The following NELL1 variants were observed in gnomAD, a reference collection of about 807,000 sequenced individuals.
The protein encoded by NELL1 is protein kinase C-binding protein NELL1.
Under a neutral mutation model 107.4 loss-of-function variants are expected in NELL1, and 76 were observed. That is an observed-to-expected ratio of 0.71 (90% CI 0.59 to 0.86). The LOEUF is 0.86. Ranked by LOEUF, NELL1 falls within the 40% of genes least tolerant of loss-of-function variation. NELL1 has a pLI of 0.00. For missense variants in NELL1, 1,024 were observed against 1,005.5 expected (o/e 1.02, Z -0.25); for synonymous variants, 353 against 341.2 (o/e 1.03, Z -0.38).
chr11:21,298,656 C>T (rs563930386), intron 14 of NELL1, among the ~76,000 whole-genome samples: 3 of 152,058 alleles, frequency 2.0e-5, no homozygotes, highest in East Asian at 3.9e-4. Flanking sequence ...CCAGTTTCTG[C>T]CCAGGGTCTA....
intron 14 of NELL1, among the ~76,000 whole-genome samples, chr11:21,342,411 TG>T (rs57914880): frequency 4.3e-4 from 32 of 74,062 alleles, no homozygotes; most frequent in South Asian, 8.6e-4. Flanking sequence ...GAGGCTTAAG[TG>T]GGGGGGGGGG....
chr11:20,725,135 T>A (rs1173399964), intron 2 of NELL1, among the ~76,000 whole-genome samples: 1 of 152,228 alleles, frequency 6.6e-6, no homozygotes, highest in Non-Finnish European at 1.5e-5. Context: ...AGCCAAATTA[T>A]ATCTGTCTCC....
chr11:20,910,147 G>A (rs1259192542), intron 5 of NELL1, among the ~76,000 whole-genome samples: 1 of 152,164 alleles, frequency 6.6e-6, no homozygotes, highest in Non-Finnish European at 1.5e-5. Flanking sequence ...CCTGGCTGGG[G>A]CAATGTTGAC....
intron 12 of NELL1, among the ~76,000 whole-genome samples, chr11:20,999,151 G>A (rs1473091974): frequency 1.3e-5 from 2 of 152,160 alleles, no homozygotes; most frequent in Non-Finnish European, 2.9e-5. Context: ...TGGGGTTAAG[G>A]TTCCAAGCCT....
At chr11:21,072,674 T>A (rs1854043091) in intron 12 of NELL1, among the ~76,000 whole-genome samples, 1 of 152,116 alleles carries the variant, frequency 6.6e-6, no homozygotes, top group African/African-American at 2.4e-5. Context: ...GAAGCAAAAC[T>A]ACTGTTCATG....
At chr11:21,451,829 G>T (rs1017472704) in intron 15 of NELL1, among the ~76,000 whole-genome samples, 1 of 152,100 alleles carries the variant, frequency 6.6e-6, no homozygotes, top group African/African-American at 2.4e-5. Context: ...TGGTCATGGC[G>T]AGACAATGGT....
chr11:21,393,980 C>T (rs531393558), intron 15 of NELL1, among the ~76,000 whole-genome samples: 1 of 151,598 alleles, frequency 6.6e-6, no homozygotes, highest in African/African-American at 2.4e-5. Context: ...TCTACCAAGG[C>T]CTGGGGGCAG....
chr11:20,719,918 T>G (rs1855340353), intron 2 of NELL1, among the ~76,000 whole-genome samples: 1 of 152,238 alleles, frequency 6.6e-6, no homozygotes, highest in East Asian at 1.9e-4. Context: ...TCACTTTTCT[T>G]TATCTCGTCC....
In NELL1 at chr11:20,746,537, A is replaced by T. The variant is rs74545491; in HGVS notation, c.185-37143A>T. Among the ~76,000 whole-genome samples, 5 of 151,000 alleles carry T rather than the reference A, an allele frequency of 3.3e-5. No homozygotes were observed. The East Asian group carries it at 9.9e-4, about 30-fold the overall frequency. ...AGCCACTTAATAGATAGTGGTTATG[A>T]TTATTTAAAAGTGGAATTGTGACAG... On this transcript the variant is annotated intron_variant, in intron 2 of 19. Coordinates refer to ENST00000357134, the MANE Select transcript of NELL1 (RefSeq NM_006157.5).
intron 12 of NELL1, among the ~76,000 whole-genome samples, chr11:21,070,283 T>C (rs1410293691): frequency 6.6e-6 from 1 of 152,158 alleles, no homozygotes; most frequent in African/African-American, 2.4e-5. Flanking sequence ...TCTCATTTAA[T>C]AGAGGTAGAA....
intron 3 of NELL1, among the ~76,000 whole-genome samples, chr11:20,839,126 G>T (rs1164629723): frequency 6.6e-6 from 1 of 151,944 alleles, no homozygotes; most frequent in East Asian, 1.9e-4. Flanking sequence ...GAAGTTTCAT[G>T]TATTTTTCCT....
At chr11:20,990,087 T>C (rs1427120627) in intron 12 of NELL1, among the ~76,000 whole-genome samples, 1 of 152,176 alleles carries the variant, frequency 6.6e-6, no homozygotes, top group Non-Finnish European at 1.5e-5. Context: ...TTTAGCACTG[T>C]CCAAGCTTTG....
chr11:20,862,366 C>T (rs1374084626), intron 4 of NELL1, among the ~76,000 whole-genome samples: 4 of 152,030 alleles, frequency 2.6e-5, no homozygotes, highest in Admixed American at 6.5e-5. Flanking sequence ...CCATATACCC[C>T]GTCACTACAC....
At chr11:21,383,649 A>C (rs1851663812) in intron 15 of NELL1, among the ~76,000 whole-genome samples, 1 of 148,286 alleles carries the variant, frequency 6.7e-6, no homozygotes, top group Non-Finnish European at 1.5e-5. Context: ...ACTATTACAC[A>C]CCTACAGATT....
In NELL1 at chr11:21,109,306, G is replaced by T. The variant is rs536531667; in HGVS notation, c.1301-4283G>T. Among the ~76,000 whole-genome samples the T allele has an allele frequency of 2.6e-5, 4 of 152,216 alleles. No homozygotes were observed. The South Asian group carries it at 8.3e-4, about 32-fold the overall frequency. ...GTACTATTAGACTCTTAGAATATGGGTATCAGCCTGTGCCCAAAAATGTGC... is the reference window on the plus strand; with the variant it reads ...GTACTATTAGACTCTTAGAATATGGTTATCAGCCTGTGCCCAAAAATGTGC... On this transcript the variant is annotated intron_variant, in intron 12 of 19. Transcript: ENST00000357134.
At chr11:21,472,917 A>G (rs1391841942) in intron 15 of NELL1, among the ~76,000 whole-genome samples, 1 of 151,580 alleles carries the variant, frequency 6.6e-6, no homozygotes, top group Non-Finnish European at 1.5e-5. Flanking sequence ...GATGCCTACC[A>G]TAGGTAAAAC....
intron 2 of NELL1, among the ~76,000 whole-genome samples, chr11:20,683,376 G>A (rs1332020174): frequency 6.6e-6 from 1 of 151,916 alleles, no homozygotes; most frequent in Non-Finnish European, 1.5e-5. Context: ...TAAATTATGT[G>A]TTGCTGAGGT....
intron 2 of NELL1, among the ~76,000 whole-genome samples, chr11:20,783,242 T>A (rs1350202251): frequency 6.6e-6 from 1 of 152,218 alleles, no homozygotes; most frequent in Non-Finnish European, 1.5e-5. Context: ...TTGGGTCTTA[T>A]TATCCCAAGA....
intron 14 of NELL1, among the ~76,000 whole-genome samples, chr11:21,298,681 A>G (rs1849426247): frequency 6.6e-6 from 1 of 151,948 alleles, no homozygotes; most frequent in Non-Finnish European, 1.5e-5. Flanking sequence ...AATTCCCATT[A>G]CCACTTTTCT....
Sources: gnomAD v4.1 joint callset for allele counts (sites outside exome capture counted in the v4.1 genomes callset) on GRCh38, gnomAD v4.1.1 for gene constraint, MANE v1.5 for transcripts, NCBI Gene and HGNC (gene_info 2026-07-23, HGNC 2026-07-21) for gene names.